PCDH7: variants seen among roughly 807,000 people sequenced by gnomAD.
PCDH7 encodes the protein protocadherin 7.
Under a neutral mutation model 58.9 loss-of-function variants are expected in PCDH7, and 17 were observed. The observed-to-expected ratio is 0.29, with a 90% CI of 0.20 to 0.43. The LOEUF (loss-of-function observed/expected upper bound fraction) is 0.43, where lower values mean the gene tolerates loss of function less well. PCDH7 is among the 20% of genes least tolerant of loss of function. The pLI is 1.00. For missense variants in PCDH7, 1,274 were observed against 1,441.0 expected (o/e 0.88, Z 1.88); for synonymous variants, 664 against 616.4 (o/e 1.08, Z -1.14).
At chr4:30,937,176 T>C (rs1215383777) in intron 2 of PCDH7, among the ~76,000 whole-genome samples, 1 of 151,592 alleles carries the variant, frequency 6.6e-6, no homozygotes, top group Admixed American at 6.6e-5. Context: ...ATATATTAAA[T>C]AATTTATTTA....
At chr4:30,842,243 G>A (rs111551498) in intron 1 of PCDH7, among the ~76,000 whole-genome samples, 9 of 152,070 alleles carry the variant, frequency 5.9e-5, no homozygotes, top group Admixed American at 1.3e-4. Context: ...ATATGGGGTT[G>A]GGCACCCAGA....
intron 3 of PCDH7, among the ~76,000 whole-genome samples, chr4:31,113,802 T>C (rs1716637580): frequency 6.6e-6 from 1 of 151,494 alleles, no homozygotes; most frequent in African/African-American, 2.4e-5. Flanking sequence ...AATTTAGTTA[T>C]AGTTTTTGAA....
intron 1 of PCDH7, among the ~76,000 whole-genome samples, chr4:30,781,381 C>T (rs926025576): frequency 6.6e-6 from 1 of 152,056 alleles, no homozygotes; most frequent in Non-Finnish European, 1.5e-5. Context: ...ACCTCGTGAA[C>T]CGCCGGCCTC....
chr4:30,882,896 A>C (rs1427485434), intron 1 of PCDH7, among the ~76,000 whole-genome samples: 1 of 152,288 alleles, frequency 6.6e-6, no homozygotes, highest in East Asian at 1.9e-4. Context: ...TCCATTTTCA[A>C]GCTCTTCATA....
chr4:30,921,529 ATAT>A (rs2109416222), intron 2 of PCDH7, among the ~76,000 whole-genome samples: 2 of 152,252 alleles, frequency 1.3e-5, no homozygotes, highest in East Asian at 3.9e-4. Flanking sequence ...TTGCTAAATT[ATAT>A]TATGCTAAAT....
intron 1 of PCDH7, among the ~76,000 whole-genome samples, chr4:30,771,412 A>T (rs1229294187): frequency 6.6e-6 from 1 of 152,160 alleles, no homozygotes; most frequent in African/African-American, 2.4e-5. Context: ...ACCTTCAGAA[A>T]AGCCATAATT....
chr4:31,037,989 G>A (rs1333708960), intron 3 of PCDH7, among the ~76,000 whole-genome samples: 1 of 152,236 alleles, frequency 6.6e-6, no homozygotes, highest in Non-Finnish European at 1.5e-5. Flanking sequence ...TGGAATTCAG[G>A]TAGTCAAGTA....
intron 1 of PCDH7, among the ~76,000 whole-genome samples, chr4:30,775,859 T>C (rs751542591): frequency 1.3e-5 from 2 of 152,114 alleles, no homozygotes; most frequent in Non-Finnish European, 2.9e-5. Context: ...ATTGCACCAC[T>C]GCACTGCAGC....
intron 3 of PCDH7, among the ~76,000 whole-genome samples, chr4:30,987,091 G>C (rs73214958): frequency 0.052 from 7,956 of 152,198 alleles, 321 homozygotes; most frequent in Non-Finnish European, 0.079. Flanking sequence ...ATAAATTAGA[G>C]AAATTGGTCC....
intron 1 of PCDH7, among the ~76,000 whole-genome samples, chr4:30,915,633 C>T (rs1279770066): frequency 6.6e-6 from 1 of 152,066 alleles, no homozygotes; most frequent in Admixed American, 6.6e-5. Flanking sequence ...AAGCGATTCT[C>T]CTGCCTCAAC....
intron 1 of PCDH7, among the ~76,000 whole-genome samples, chr4:30,891,897 A>G (rs1738656718): frequency 6.6e-6 from 1 of 151,864 alleles, no homozygotes; most frequent in Non-Finnish European, 1.5e-5. Context: ...CTTTCAACTA[A>G]TTTGGTAAGG....
Position 30,721,089 on chromosome 4 carries a change from C to T in PCDH7, c.-334C>T. ...AGGGGATGACTCTGGGTTGGGGGAG[C>T]GCCGAACCCGCGGCGCGCAGTGTCC... is the stretch of plus-strand genomic sequence containing the variant. On this transcript the variant is annotated 5_prime_UTR_variant, in exon 1 of 2. Transcript: ENST00000361762. The surrounding 1 kb of genome is among the most constrained non-coding windows in gnomAD (Gnocchi z 6.7). The T allele has an allele frequency of 3.4e-6, 1 of 294,772 alleles. No homozygotes were observed. Among genetic ancestry groups the T allele is most frequent in the Non-Finnish European group, 6.3e-6 (1 of 159,952 alleles). 18.3% of individuals were successfully genotyped at this position (294,772 alleles called of 1,614,324 possible). A position where few individuals can be genotyped will look rare whatever the true frequency, so the allele number is the denominator to read the frequency against.
chr4:31,117,417 C>G (rs966646776), intron 3 of PCDH7, among the ~76,000 whole-genome samples: 1 of 151,802 alleles, frequency 6.6e-6, no homozygotes, highest in Non-Finnish European at 1.5e-5. Flanking sequence ...TTCAAGACTC[C>G]CATATATATT....
chr4:30,875,132 G>A (rs1736128285), intron 1 of PCDH7, among the ~76,000 whole-genome samples: 1 of 152,046 alleles, frequency 6.6e-6, no homozygotes, highest in East Asian at 1.9e-4. Flanking sequence ...ACAGTCTGGA[G>A]GCTAGAAATC....
chr4:31,093,495 A>G (rs1041552907), intron 3 of PCDH7, among the ~76,000 whole-genome samples: 36 of 152,136 alleles, frequency 2.4e-4, no homozygotes, highest in Non-Finnish European at 2.9e-5. Flanking sequence ...AATACCATAC[A>G]GAGCTAGGAT....
At chr4:30,810,460 A>G (rs1223622932) in intron 1 of PCDH7, among the ~76,000 whole-genome samples, 1 of 151,940 alleles carries the variant, frequency 6.6e-6, no homozygotes, top group Admixed American at 6.6e-5. Flanking sequence ...TACTCATTGG[A>G]AATAAATGGT....
chr4:30,903,232 C>G (rs1483967130), intron 1 of PCDH7, among the ~76,000 whole-genome samples: 1 of 151,994 alleles, frequency 6.6e-6, no homozygotes, highest in Non-Finnish European at 1.5e-5. Context: ...AACTCATCCT[C>G]TTAATATTTT....
chr4:31,093,230 CA>C (rs1225600272), intron 3 of PCDH7, among the ~76,000 whole-genome samples: 3 of 152,056 alleles, frequency 2.0e-5, no homozygotes, highest in Non-Finnish European at 4.4e-5. Flanking sequence ...AGCTGTATGA[CA>C]ACTAAAAAAT....
chr4:30,999,674 T>C (rs972177987), intron 3 of PCDH7, among the ~76,000 whole-genome samples: 1 of 152,136 alleles, frequency 6.6e-6, no homozygotes, highest in Non-Finnish European at 1.5e-5. Flanking sequence ...AAAATAGCAA[T>C]GCACTGTAAT....
Sources: allele counts gnomAD v4.1 joint callset (sites outside exome capture counted in the v4.1 genomes callset), GRCh38; gene constraint gnomAD v4.1.1; non-coding constraint Gnocchi (gnomAD v3.1); transcripts MANE v1.5; gene names NCBI Gene and HGNC (gene_info 2026-07-23, HGNC 2026-07-21).